The following FAM163A variants were observed in gnomAD, a reference collection of about 807,000 sequenced individuals.
FAM163A encodes the protein family with sequence similarity 163 member A, also known as protein FAM163A.
Under a neutral mutation model 12.0 loss-of-function variants are expected in FAM163A, and 7 were observed. The ratio of observed to expected loss-of-function variants is 0.58; its 90% confidence interval spans 0.33 to 1.10. The LOEUF is 1.10. Among genes scored for constraint, FAM163A ranks in the 50% least tolerant of loss-of-function variants. FAM163A has a pLI of 0.03. For missense variants in FAM163A, 202 were observed against 218.6 expected (o/e 0.92, Z 0.48); for synonymous variants, 101 against 91.0 (o/e 1.11, Z -0.62).
chr1:179,787,332 T>C (rs929708015), intron 1 of FAM163A, among the ~76,000 whole-genome samples: 1 of 152,122 alleles, frequency 6.6e-6, no homozygotes, highest in African/African-American at 2.4e-5. Flanking sequence ...CAATGATAGC[T>C]CAAGGTGCCA....
chr1:179,751,892 AT>A (rs1267518774), intron 1 of FAM163A, among the ~76,000 whole-genome samples: 1 of 152,214 alleles, frequency 6.6e-6, no homozygotes, highest in African/African-American at 2.4e-5. Flanking sequence ...ATCCAAAGTG[AT>A]TGGCAGATAC....
intron 1 of FAM163A, among the ~76,000 whole-genome samples, chr1:179,799,258 G>A (rs965577139): frequency 1.3e-5 from 2 of 152,218 alleles, no homozygotes; most frequent in Admixed American, 6.5e-5. Context: ...AAACAATCAA[G>A]GACAGATAGG....
chr1:179,804,140 T>G (rs1392453511), intron 1 of FAM163A: 1 of 152,152 alleles, frequency 6.6e-6, no homozygotes, highest in Non-Finnish European at 1.5e-5. Context: ...TGCATCATTT[T>G]CCAAAGGGCC....
the FAM163A span, among the ~76,000 whole-genome samples, chr1:179,738,222 T>A: frequency 6.6e-6 from 1 of 152,186 alleles, no homozygotes; most frequent in Non-Finnish European, 1.5e-5. Flanking sequence ...TTGTATATTT[T>A]CAAATAGCTA....
At chr1:179,765,921 C>T (rs566731272) in intron 1 of FAM163A, among the ~76,000 whole-genome samples, 1 of 152,200 alleles carries the variant, frequency 6.6e-6, no homozygotes, top group East Asian at 1.9e-4. Flanking sequence ...CCAAAAACTC[C>T]CTCACAGAGA....
the FAM163A span, among the ~76,000 whole-genome samples, chr1:179,730,629 A>C: frequency 6.6e-6 from 1 of 152,250 alleles, no homozygotes; most frequent in Non-Finnish European, 1.5e-5. Context: ...CTGCTCAGCT[A>C]TGCAAGTTAT....
At chr1:179,795,980 T>TATTATTATTATTATTATTATTA (rs1553226055) in intron 1 of FAM163A, among the ~76,000 whole-genome samples, 11 of 150,674 alleles carry the variant, frequency 7.3e-5, no homozygotes, top group African/African-American at 1.2e-4. Flanking sequence ...TTATTATTAT[T>TATTATTATTATTATTATTATTA]TTACAACTGT....
intron 1 of FAM163A, among the ~76,000 whole-genome samples, chr1:179,757,729 T>C (rs1457817600): frequency 2.0e-5 from 3 of 152,188 alleles, no homozygotes; most frequent in African/African-American, 2.4e-5. Flanking sequence ...GGAGAATCAC[T>C]TGAGCCCAGG....
rs147081408 is a variant in FAM163A, at chr1:179,813,911, C to T, written c.226C>T (p.Leu76=). The change falls in exon 5 of 5, where the codon CTG becomes TTG. Residue 76 remains leucine, a synonymous_variant. Coordinates refer to ENST00000341785, the MANE Select transcript of FAM163A (RefSeq NM_173509.3). ...CCAAGCCCTGGACGGCAGAGGCAGC[C>T]TGGCGCCTCTCACCAGCGAGCCCTG... The part of the protein sequence containing the change: ...SSQALDGRGS[L]APLTSEPCSQ... 43 of 1,613,738 alleles carry T rather than the reference C, an allele frequency of 2.7e-5. No individual in the cohort carries two copies. Among genetic ancestry groups the T allele is most frequent in the Non-Finnish European group, 1.9e-5 (22 of 1,180,036 alleles).
chr1:179,800,910 G>A (rs977911963), intron 1 of FAM163A, among the ~76,000 whole-genome samples: 7 of 152,118 alleles, frequency 4.6e-5, no homozygotes, highest in Admixed American at 3.3e-4. Flanking sequence ...CATTAGCTCA[G>A]GCATAACTCA....
intron 1 of FAM163A, among the ~76,000 whole-genome samples, chr1:179,789,335 C>T (rs928435242): frequency 1.3e-5 from 2 of 152,212 alleles, no homozygotes; most frequent in African/African-American, 2.4e-5. Context: ...GCACCTGCCA[C>T]CACACCCAGC....
chr1:179,729,711 T>C, the FAM163A span, among the ~76,000 whole-genome samples: 4 of 152,356 alleles, frequency 2.6e-5, no homozygotes, highest in African/African-American at 2.4e-5. Context: ...CCCAAAGGGA[T>C]TTATTCTACA....
At chr1:179,796,492 CT>C (rs1257788893) in intron 1 of FAM163A, among the ~76,000 whole-genome samples, 1 of 152,088 alleles carries the variant, frequency 6.6e-6, no homozygotes, top group East Asian at 1.9e-4. Flanking sequence ...TTTAAAAAAT[CT>C]TTTTCCCCAT....
intron 1 of FAM163A, among the ~76,000 whole-genome samples, chr1:179,793,481 A>G (rs1367934859): frequency 6.6e-6 from 1 of 152,262 alleles, no homozygotes; most frequent in Non-Finnish European, 1.5e-5. Context: ...CATGAAGCAC[A>G]GAAATGAGAA....
At chr1:179,741,684 T>C (rs1683660726), upstream of FAM163A, among the ~76,000 whole-genome samples, 1 of 152,188 alleles carries the variant, frequency 6.6e-6, no homozygotes, top group African/African-American at 2.4e-5. Flanking sequence ...CACAAAAATA[T>C]GCATGCAATA....
the FAM163A span, among the ~76,000 whole-genome samples, chr1:179,728,625 T>G: frequency 6.6e-6 from 1 of 152,212 alleles, no homozygotes; most frequent in Admixed American, 6.5e-5. Context: ...TTGGGAGGGT[T>G]GATGTTTGTG....
At chr1:179,732,677 C>T in the FAM163A span, among the ~76,000 whole-genome samples, 75 of 151,744 alleles carry the variant, frequency 4.9e-4, 1 homozygote, top group East Asian at 0.014. Context: ...AGCTCAGGGG[C>T]GGAGACCAAC....
In FAM163A at chr1:179,815,109, G is replaced by GCGCGCGCGCACACACACA. The variant is rs1273970601; in HGVS notation, c.*921_*922insGCGCGCGCACACACACAC. On this transcript the variant is annotated 3_prime_UTR_variant, in exon 5 of 5. Transcript: ENST00000341785. Reference sequence around the variant, plus strand: ...CAGGTGTACGCACGCGCGCGCGCGCGCACAGACACACACACACACACACAC... The same window carrying GCGCGCGCGCACACACACA: ...CAGGTGTACGCACGCGCGCGCGCGCGCGCGCGCGCACACACACACACAGACACACACACACACACACAC... The GCGCGCGCGCACACACACA allele has an allele frequency of 3.0e-5, 2 of 67,234 alleles. No homozygotes were observed. Among genetic ancestry groups the GCGCGCGCGCACACACACA allele is most frequent in the African/African-American group, 1.3e-4 (2 of 15,780 alleles). The allele number at this position is 67,234 out of a possible 1,614,324, so 4.2% of individuals were successfully genotyped here. A position where few individuals can be genotyped will look rare whatever the true frequency, so the allele number is the denominator to read the frequency against.
chr1:179,732,692 G>A, the FAM163A span, among the ~76,000 whole-genome samples: 4 of 151,584 alleles, frequency 2.6e-5, no homozygotes, highest in Non-Finnish European at 4.4e-5. Flanking sequence ...ACCAACCTGG[G>A]CAACATGGCG....
Sources: allele counts gnomAD v4.1 joint callset (sites outside exome capture counted in the v4.1 genomes callset), GRCh38; gene constraint gnomAD v4.1.1; transcripts MANE v1.5; gene names NCBI Gene and HGNC (gene_info 2026-07-23, HGNC 2026-07-21).